The following NPEPL1 variants were observed in gnomAD, a reference collection of about 807,000 sequenced individuals.
The protein encoded by NPEPL1 is probable aminopeptidase NPEPL1.
In NPEPL1, 45 loss-of-function variants were observed where a neutral mutation model predicts 52.4. The ratio of observed to expected loss-of-function variants is 0.86; its 90% confidence interval spans 0.68 to 1.10. The LOEUF is 1.10. NPEPL1 is among the 50% of genes least tolerant of loss of function. The probability of loss-of-function intolerance (pLI) is 0.00; values close to 1 mark genes in which losing one functional copy is unlikely to be tolerated. For synonymous variants in NPEPL1, 360 were observed against 314.7 expected (o/e 1.14, Z -1.52); for missense variants, 696 against 710.9 (o/e 0.98, Z 0.24).
rs1399691691 is a variant in NPEPL1, at chr20:58,715,659, A to T, written c.*333A>T. Reference sequence around the variant, plus strand: ...CCCAGCCCCAGGTCCTGTGCAGGGCACCTGCGTGGCTGACAGCCAGGCTCT... The same window carrying T: ...CCCAGCCCCAGGTCCTGTGCAGGGCTCCTGCGTGGCTGACAGCCAGGCTCT... On this transcript the variant is annotated 3_prime_UTR_variant, in exon 12 of 12. Transcript: ENST00000356091. The T allele has an allele frequency of 3.0e-5, 6 of 198,176 alleles. No homozygotes were observed. The highest frequency in any genetic ancestry group is 3.0e-5 in the Non-Finnish European group (3 of 98,502). 12.3% of individuals were successfully genotyped at this position (198,176 alleles called of 1,614,324 possible).
chr20:58,707,706 C>T (rs1387971664), intron 7 of NPEPL1, among the ~76,000 whole-genome samples: 22 of 16,026 alleles, frequency 1.4e-3, no homozygotes, highest in African/African-American at 5.6e-3. Context: ...AGTAGTCACT[C>T]GGGGGGCGTG....
chr20:58,704,030 G>C (rs567559694), intron 6 of NPEPL1: 3 of 985,276 alleles, frequency 3.0e-6, no homozygotes, highest in Non-Finnish European at 3.6e-6. Flanking sequence ...ACCGTTCTAC[G>C]TGGATTTGGG....
intron 1 of NPEPL1, 105 bp from the exon 2 acceptor site, chr20:58,693,632 T>G: frequency 1.9e-6 from 2 of 1,028,804 alleles, no homozygotes; most frequent in South Asian, 3.1e-5. Context: ...CGCAGTGCCC[T>G]TCCAGGACTG....
At position 58,712,303 on chromosome 20, in the gene NPEPL1, C is replaced by G. The variant is rs566693558; in HGVS notation, c.901-176C>G. 2.6e-5 allele frequency among the ~76,000 whole-genome samples: 4 copies of G among 152,246 alleles called. No homozygotes were observed. In the South Asian group the frequency reaches 8.3e-4, roughly 32 times the overall value. On this transcript the variant is annotated intron_variant, in intron 7 of 11. Transcript: ENST00000356091. ...GGAAACCCCAGTGGTGAGCCTTGGCCTTGGGATCTGCCAGGACTGTACCCG... is the reference window on the plus strand; with the variant it reads ...GGAAACCCCAGTGGTGAGCCTTGGCGTTGGGATCTGCCAGGACTGTACCCG...
chr20:58,707,286 G>A, intron 7 of NPEPL1, 86 bp downstream of exon 7: 2 of 1,230,900 alleles, frequency 1.6e-6, no homozygotes, highest in Non-Finnish European at 2.3e-6. Context: ...CCCGCCACAG[G>A]CCCCACCAGG....
chr20:58,703,235 G>A lies in NPEPL1; in HGVS notation c.822+2077G>A, dbSNP rs374201996. ...TTCAGGATAAGTAACAACGATATGC[G>A]AATTTGAAGCTTTTGTTTGTGTGAT... On this transcript the variant is annotated intron_variant, in intron 6 of 11. Transcript: ENST00000356091. Among the ~76,000 whole-genome samples, 14 of 152,296 alleles carry A rather than the reference G, an allele frequency of 9.2e-5. No individual in the cohort carries two copies. The East Asian group carries it at 2.5e-3, about 27-fold the overall frequency.
At chr20:58,689,668 C>T (rs187703894), upstream of NPEPL1, among the ~76,000 whole-genome samples, 5 of 152,284 alleles carry the variant, frequency 3.3e-5, no homozygotes, top group Admixed American at 1.3e-4. Context: ...ACACTTTAAC[C>T]GATCCCTCCA....
intron 6 of NPEPL1, among the ~76,000 whole-genome samples, chr20:58,702,049 A>C (rs2123113451): frequency 6.6e-6 from 1 of 152,352 alleles, no homozygotes; most frequent in South Asian, 2.1e-4. Flanking sequence ...CAGACTGGGA[A>C]GTACATACCT....
At chr20:58,712,345 G>A (rs966643345) in intron 7 of NPEPL1, 134 bp from the exon 8 acceptor site, 17 of 639,672 alleles carry the variant, frequency 2.7e-5, no homozygotes, top group African/African-American at 1.6e-4. Context: ...CAGGGAGGGC[G>A]AGCTTTGGTC....
intron 3 of NPEPL1, among the ~76,000 whole-genome samples, chr20:58,695,079 G>GGTGT (rs1555848570): frequency 1.3e-5 from 1 of 79,932 alleles, no homozygotes; most frequent in African/African-American, 4.5e-5. Context: ...TGGTGTGTGT[G>GGTGT]GTGTACGTGT....
At chr20:58,691,109 G>C (rs2084335279), upstream of NPEPL1, 1 of 702,848 alleles carries the variant, frequency 1.4e-6, no homozygotes. Context: ...TCAGGGCATG[G>C]CCTTAGTCTC....
chr20:58,701,045 C>T lies in NPEPL1; in HGVS notation c.709C>T (p.His237Tyr), dbSNP rs1484949313. Residue 237 changes from histidine (H) to tyrosine (Y), a missense_variant, in exon 6 of 12, where the codon CAT becomes TAT. Physicochemically the swap from His to Tyr is moderately conservative, Grantham distance 83. Transcript: ENST00000356091. ...GIYGVGKAAL[H>Y]PPALAVLSHT... ...CTATGGGGTTGGCAAAGCCGCCCTGCATCCCCCAGCCCTGGCCGTCCTCAG... is the reference window on the plus strand; with the variant it reads ...CTATGGGGTTGGCAAAGCCGCCCTGTATCCCCCAGCCCTGGCCGTCCTCAG... The T allele has an allele frequency of 1.3e-6, 2 of 1,593,972 alleles. No individual in the cohort carries two copies. The highest frequency in any genetic ancestry group is 1.3e-5 in the African/African-American group (1 of 74,288).
chr20:58,713,126 G>T lies in NPEPL1; in HGVS notation c.1002-294G>T, dbSNP rs532998552. Reference sequence around the variant, plus strand: ...CAGTGTGCTGAAGGCCAGCCCAGCCGGTTCATGCCACCCACTTTACAGAAG... The same window carrying T: ...CAGTGTGCTGAAGGCCAGCCCAGCCTGTTCATGCCACCCACTTTACAGAAG... On this transcript the variant is annotated intron_variant, in intron 8 of 11. Transcript: ENST00000356091. The surrounding 1 kb of genome is among the most constrained non-coding windows in gnomAD (Gnocchi z 4.6). 756 of 406,102 alleles carry T rather than the reference G, an allele frequency of 1.9e-3. 5 individuals carry two copies. The highest frequency in any genetic ancestry group is 2.8e-3 in the Non-Finnish European group (615 of 219,584). 25.2% of individuals were successfully genotyped at this position (406,102 alleles called of 1,614,324 possible). A position where few individuals can be genotyped will look rare whatever the true frequency, so the allele number is the denominator to read the frequency against.
At position 58,703,323 on chromosome 20, in the gene NPEPL1, G is replaced by T. The variant is rs117248181; in HGVS notation, c.822+2165G>T. The T allele has an allele frequency of 4.5e-4, 134 of 295,704 alleles. 4 individuals are homozygous for T. In the Admixed American group the frequency reaches 6.6e-3, roughly 15 times the overall value. 18.3% of individuals were successfully genotyped at this position (295,704 alleles called of 1,614,324 possible). On this transcript the variant is annotated intron_variant, in intron 6 of 11. Coordinates refer to ENST00000356091, the MANE Select transcript of NPEPL1 (RefSeq NM_024663.4). ...CAATCAACAACAGATTTTCGGAGGA[G>T]GAATATGTTATTGCTGACTTTGTTC...
At chr20:58,702,533 T>C (rs1463977691) in intron 6 of NPEPL1, among the ~76,000 whole-genome samples, 3 of 152,120 alleles carry the variant, frequency 2.0e-5, no homozygotes, top group Non-Finnish European at 2.9e-5. Context: ...AAAAGGGTTT[T>C]TTGTTTTTTT....
intron 7 of NPEPL1, among the ~76,000 whole-genome samples, chr20:58,707,560 G>A (rs907388505): frequency 6.6e-6 from 1 of 152,180 alleles, no homozygotes; most frequent in Non-Finnish European, 1.5e-5. Context: ...TACCCCTCCC[G>A]CAACCCTTCT....
rs2084700894 is a variant in NPEPL1 at position 58,704,537 on chromosome 20, T to A, written c.823-2586T>A. 9.6e-6 allele frequency: 3 copies of A among 311,518 alleles called. No individual in the cohort carries two copies. The South Asian group carries it at 3.8e-4, about 39-fold the overall frequency. The allele number at this position is 311,518 out of a possible 1,614,324, so 19.3% of individuals were successfully genotyped here. Reference sequence around the variant, plus strand: ...CATTGCATGTTATCATAAATAATTTTATGAAGATAAGCATCTTCCAAAATG... The same window carrying A: ...CATTGCATGTTATCATAAATAATTTAATGAAGATAAGCATCTTCCAAAATG... On this transcript the variant is annotated intron_variant, in intron 6 of 11. Transcript: ENST00000356091.
chr20:58,693,070 C>T lies in NPEPL1; in HGVS notation c.150+20C>T, dbSNP rs1220796478. The T allele has an allele frequency of 2.0e-6, 2 of 1,010,014 alleles. No individual in the cohort carries two copies. 62.6% of individuals were successfully genotyped at this position (1,010,014 alleles called of 1,614,324 possible). A position where few individuals can be genotyped will look rare whatever the true frequency, so the allele number is the denominator to read the frequency against. On this transcript the variant is annotated intron_variant, in intron 1 of 11. Coordinates refer to ENST00000356091, the MANE Select transcript of NPEPL1 (RefSeq NM_024663.4). ...GAGGAGGTGAGCGGGCCGCCGGCCG[C>T]CATGCGACCCGCGCCGCGGAAGCCC...
chr20:58,692,761 C>G (rs1007626497), upstream of NPEPL1: 4 of 954,576 alleles, frequency 4.2e-6, no homozygotes, highest in East Asian at 4.7e-4. The surrounding 1 kb of genome is among the most constrained non-coding windows in gnomAD (Gnocchi z 5.7). Flanking sequence ...GCGAGCAGCC[C>G]GGAGCGGCGG....
Sources: gnomAD v4.1 joint callset for allele counts (sites outside exome capture counted in the v4.1 genomes callset) on GRCh38, gnomAD v4.1.1 for gene constraint, Gnocchi (gnomAD v3.1) non-coding constraint, MANE v1.5 for transcripts, NCBI Gene and HGNC (gene_info 2026-07-23, HGNC 2026-07-21) for gene names.